MAPKBP1: variants seen among roughly 807,000 people sequenced by gnomAD.
The protein encoded by MAPKBP1 is mitogen-activated protein kinase binding protein 1, also known as mitogen-activated protein kinase-binding protein 1.
A neutral mutation model predicts 170.5 loss-of-function variants in MAPKBP1; 71 were observed. The observed-to-expected ratio is 0.42, with a 90% CI of 0.34 to 0.51. The LOEUF is 0.51. MAPKBP1 is among the 20% of genes least tolerant of loss of function. The probability of loss-of-function intolerance (pLI) is 0.06; values close to 1 mark genes in which losing one functional copy is unlikely to be tolerated. For synonymous variants in MAPKBP1, 719 were observed against 757.9 expected (o/e 0.95, Z 0.84); for missense variants, 1,598 against 1,933.0 (o/e 0.83, Z 3.25).
At chr15:41,813,294 T>C (rs1206639320) in intron 8 of MAPKBP1, 193 bp downstream of exon 8, 1 of 1,529,026 alleles carries the variant, frequency 6.5e-7, no homozygotes, top group Non-Finnish European at 9.1e-7. Flanking sequence ...TCTCTGCTCT[T>C]TCTGTCTCTT....
At chr15:41,795,673 C>T (rs552597722) in intron 2 of MAPKBP1, among the ~76,000 whole-genome samples, 10 of 152,200 alleles carry the variant, frequency 6.6e-5, no homozygotes, top group Admixed American at 2.0e-4. Flanking sequence ...GTGGTGCAAT[C>T]TCGGTTCACT....
intron 3 of MAPKBP1, 98 bp from the exon 4 acceptor site, chr15:41,810,785 G>A (rs139031532): frequency 2.3e-6 from 2 of 871,980 alleles, no homozygotes; most frequent in Non-Finnish European, 1.9e-6. Flanking sequence ...TTTCTACCCA[G>A]CTCCCTCTGC....
intron 2 of MAPKBP1, among the ~76,000 whole-genome samples, chr15:41,783,573 A>G (rs1013987701): frequency 2.0e-5 from 3 of 152,136 alleles, no homozygotes; most frequent in African/African-American, 4.8e-5. Context: ...TTGTGATAAC[A>G]TTATAGGTGC....
intron 6 of MAPKBP1, 72 bp from the exon 7 acceptor site, chr15:41,812,444 C>G (rs2064821656): frequency 1.3e-6 from 2 of 1,583,028 alleles, no homozygotes; most frequent in Non-Finnish European, 1.7e-6. Context: ...TAATTCTCCT[C>G]CATTCTCTGA....
chr15:41,822,691 CT>C lies in MAPKBP1; in HGVS notation c.3314+15del. The C allele has an allele frequency of 6.2e-7, 1 of 1,613,676 alleles. No homozygotes were observed. The highest frequency in any genetic ancestry group is 8.5e-7 in the Non-Finnish European group (1 of 1,179,670). On this transcript the variant is annotated intron_variant, in intron 27 of 30. Transcript: ENST00000457542. ...CCGCCCACTCAGGTACAGAGGCCCCCTACCCCCCAGCAGCAGCTCTGGCTCT... is the reference window on the plus strand; with the variant it reads ...CCGCCCACTCAGGTACAGAGGCCCCCACCCCCCAGCAGCAGCTCTGGCTCT...
rs549775293 is a variant in MAPKBP1, at chr15:41,811,680, G to T, written c.328-277G>T. On this transcript the variant is annotated intron_variant, in intron 5 of 30. Coordinates refer to ENST00000457542, the MANE Select transcript of MAPKBP1 (RefSeq NM_014994.3). Reference sequence around the variant, plus strand: ...CTGAGTGGTAGTGGCTCTCAATGCCGGCTGCCCATCAGAACCATTCAGGGA... The same window carrying T: ...CTGAGTGGTAGTGGCTCTCAATGCCTGCTGCCCATCAGAACCATTCAGGGA... The T allele has an allele frequency of 3.4e-4, 223 of 652,078 alleles. 4 individuals are homozygous for T. Among genetic ancestry groups the T allele is most frequent in the South Asian group, 3.0e-3 (197 of 66,306 alleles). 40.4% of individuals were successfully genotyped at this position (652,078 alleles called of 1,614,324 possible).
chr15:41,810,430 G>GTGGA (rs1253391523), intron 3 of MAPKBP1, among the ~76,000 whole-genome samples: 1 of 151,862 alleles, frequency 6.6e-6, no homozygotes, highest in Non-Finnish European at 1.5e-5. Flanking sequence ...GGAGAAAGCA[G>GTGGA]TGGAGGCTGG....
rs2064902987 is a variant in MAPKBP1 at position 41,816,979 on chromosome 15, G to T, written c.1655G>T (p.Ser552Ile). 11 of 1,611,836 alleles carry T rather than the reference G, an allele frequency of 6.8e-6. No homozygotes were observed. Among genetic ancestry groups the T allele is most frequent in the Non-Finnish European group, 8.5e-6 (10 of 1,178,504 alleles). The change falls in exon 14 of 31, where the codon AGC becomes ATC. Residue 552 changes from serine to isoleucine, a missense_variant. Physicochemically the swap from Ser to Ile is moderately radical, Grantham distance 142. This residue lies in a region of MAPKBP1 where 430 missense variants were observed against 617.2 expected (regional missense o/e 0.70). Coordinates refer to ENST00000457542, the MANE Select transcript of MAPKBP1 (RefSeq NM_014994.3). ...IHVLDAGREYSLQQTLDEHSS... is the reference protein window; with the variant it reads ...IHVLDAGREYILQQTLDEHSS... ...GTGCTGGATGCCGGGCGGGAGTACA[G>T]CCTACAGCAGACGCTGGACGAACAC...
rs760467264 is a variant in MAPKBP1, at chr15:41,824,551, A to G, written c.4281A>G (p.Ala1427=). Residue 1427 remains alanine, a synonymous_variant, in exon 30 of 31, where the codon GCA becomes GCG. Coordinates refer to ENST00000457542, the MANE Select transcript of MAPKBP1 (RefSeq NM_014994.3). ...AGCTCCGCGGCAGCGTGCGCCAGGC[A>G]GTGCGGCTCTACCACTCGGTGGGTG... ...VAELRGSVRQ[A]VRLYHSVAGC... 3 of 1,599,896 alleles carry G rather than the reference A, an allele frequency of 1.9e-6. No homozygotes were observed. Among genetic ancestry groups the G allele is most frequent in the Non-Finnish European group, 2.6e-6 (3 of 1,174,618 alleles).
chr15:41,801,196 C>T (rs968979467), intron 3 of MAPKBP1, among the ~76,000 whole-genome samples: 1 of 152,178 alleles, frequency 6.6e-6, no homozygotes, highest in Non-Finnish European at 1.5e-5. Flanking sequence ...TATGAATATT[C>T]GCCTGTTCTA....
At chr15:41,783,838 T>C (rs886816229) in intron 2 of MAPKBP1, among the ~76,000 whole-genome samples, 1 of 151,948 alleles carries the variant, frequency 6.6e-6, no homozygotes, top group African/African-American at 2.4e-5. Flanking sequence ...TGAAACCCCG[T>C]CTCTACTAAA....
In MAPKBP1 at chr15:41,779,009, A is replaced by C. The variant is rs192059974; in HGVS notation, c.114+3620A>C. On this transcript the variant is annotated intron_variant, in intron 2 of 30. Coordinates refer to ENST00000457542, the MANE Select transcript of MAPKBP1 (RefSeq NM_014994.3). ...GACTTTCTTCTAGTTGTGTTTTTTT[A>C]ATTGTAAATCTAATTCTTCTTTCTC... Among the ~76,000 whole-genome samples, 591 of 152,166 alleles carry C rather than the reference A, an allele frequency of 3.9e-3. 3 individuals carry two copies. Among genetic ancestry groups the C allele is most frequent in the African/African-American group, 0.014 (569 of 41,516 alleles).
chr15:41,811,925 A>G, intron 5 of MAPKBP1, 32 bp from the exon 6 acceptor site: 1 of 1,612,120 alleles, frequency 6.2e-7, no homozygotes, highest in Non-Finnish European at 8.5e-7. Context: ...GGAGAAGTCA[A>G]GAACTCACTT....
chr15:41,817,901 G>A lies in MAPKBP1; in HGVS notation c.1905-108G>A. 1 of 1,515,658 alleles carries A rather than the reference G, an allele frequency of 6.6e-7. No homozygotes were observed. Among genetic ancestry groups the A allele is most frequent in the Non-Finnish European group, 9.1e-7 (1 of 1,095,840 alleles). The allele number at this position is 1,515,658 out of a possible 1,614,324, so 93.9% of individuals were successfully genotyped here. On this transcript the variant is annotated intron_variant, in intron 16 of 30. Coordinates refer to ENST00000457542, the MANE Select transcript of MAPKBP1 (RefSeq NM_014994.3). This position sits in a 1 kb window ranked among gnomAD's most constrained non-coding sequence, Gnocchi z 4.2. ...AGGTGGTAGCCTGTTTGCTGCTGGGGGTAGCTCCCAGAGAGTGTAGACTGG... is the reference window on the plus strand; with the variant it reads ...AGGTGGTAGCCTGTTTGCTGCTGGGAGTAGCTCCCAGAGAGTGTAGACTGG...
intron 27 of MAPKBP1, 74 bp from the exon 28 acceptor site, chr15:41,822,865 T>A (rs768898860): frequency 3.5e-5 from 53 of 1,530,880 alleles, no homozygotes; most frequent in Non-Finnish European, 4.5e-5. Context: ...CCTGGTGCTA[T>A]GAGTTTCTCG....
intron 2 of MAPKBP1, among the ~76,000 whole-genome samples, chr15:41,787,668 G>A (rs530356571): frequency 8.7e-4 from 132 of 151,940 alleles, no homozygotes; most frequent in Middle Eastern, 3.4e-3. Flanking sequence ...GCCCGGCCGC[G>A]AACACATTCT....
At chr15:41,810,731 AAAAAAAAAG>A in intron 3 of MAPKBP1, 143 bp from the exon 4 acceptor site, 1 of 608,928 alleles carries the variant, frequency 1.6e-6, no homozygotes, top group Non-Finnish European at 2.9e-6. Flanking sequence ...AAAAAAAAAA[AAAAAAAAAG>A]AAAAGGAAAA....
Position 41,820,042 on chromosome 15 carries a change from G to A in MAPKBP1, c.2481+392G>A, listed in dbSNP as rs79322570. ...GCAGGAAATCAAGGATCCAAAGAGC[G>A]GAGATCTGGAGAAACAGTTCTAAAG... On this transcript the variant is annotated intron_variant, in intron 22 of 30. Coordinates refer to ENST00000457542, the MANE Select transcript of MAPKBP1 (RefSeq NM_014994.3). Among the ~76,000 whole-genome samples the A allele has an allele frequency of 5.9e-3, 905 of 152,252 alleles. 13 individuals carry two copies. The highest frequency in any genetic ancestry group is 0.021 in the African/African-American group (856 of 41,534).
intron 2 of MAPKBP1, among the ~76,000 whole-genome samples, chr15:41,780,145 G>C (rs1253034202): frequency 6.6e-6 from 1 of 152,222 alleles, no homozygotes; most frequent in Admixed American, 6.5e-5. Flanking sequence ...AAGTGGAAGA[G>C]CACTACTGCT....
Sources: allele counts gnomAD v4.1 joint callset (sites outside exome capture counted in the v4.1 genomes callset), GRCh38; gene constraint gnomAD v4.1.1; regional missense constraint gnomAD v4.1.1; non-coding constraint Gnocchi (gnomAD v3.1); transcripts MANE v1.5; gene names NCBI Gene and HGNC (gene_info 2026-07-23, HGNC 2026-07-21).